Variants in ANAPC11 observed in about 807,000 individuals in gnomAD.
The protein encoded by ANAPC11 is anaphase-promoting complex subunit 11.
Under a neutral mutation model 11.8 loss-of-function variants are expected in ANAPC11, and 5 were observed. That is an observed-to-expected ratio of 0.42 (90% CI 0.22 to 0.89). The LOEUF is 0.89. Among genes scored for constraint, ANAPC11 ranks in the 40% least tolerant of loss-of-function variants. ANAPC11 has a pLI of 0.28. For synonymous variants in ANAPC11, 45 were observed against 41.0 expected, an observed-to-expected ratio of 1.10 and a Z score of -0.38; for missense variants, 68 against 112.9, an observed-to-expected ratio of 0.60 and a Z score of 1.80.
At chr17:81,898,884 G>A (rs2039833422) in intron 3 of ANAPC11, 2 of 302,404 alleles carry the variant, frequency 6.6e-6, no homozygotes, top group Admixed American at 4.7e-5. Context: ...TTGACTAAAC[G>A]AGGCCTCCCC....
intron 3 of ANAPC11, chr17:81,899,382 T>G (rs763194577): frequency 6.2e-7 from 1 of 1,613,742 alleles, no homozygotes; most frequent in Non-Finnish European, 8.5e-7. Context: ...ATCCCTGATG[T>G]CTAGGGAAGA....
chr17:81,891,609 G>A (rs574468388), upstream of ANAPC11: 7 of 1,375,338 alleles, frequency 5.1e-6, no homozygotes, highest in East Asian at 3.7e-5. Flanking sequence ...CAGCACGCCG[G>A]CACGTCACTT....
chr17:81,892,279 C>T (rs1033276033), intron 1 of ANAPC11, among the ~76,000 whole-genome samples: 4 of 151,844 alleles, frequency 2.6e-5, no homozygotes, highest in African/African-American at 7.3e-5. Context: ...TTGAGACCAG[C>T]CGGGGCAACA....
At chr17:81,899,766 G>T in intron 3 of ANAPC11, 154 bp from the exon 4 acceptor site, 1 of 963,678 alleles carries the variant, frequency 1.0e-6, no homozygotes, top group Non-Finnish European at 1.5e-6. Flanking sequence ...GAGACCGATT[G>T]GGTAACACTC....
intron 3 of ANAPC11, 181 bp downstream of exon 3, chr17:81,894,767 G>A (rs1308020587): frequency 6.6e-6 from 3 of 455,052 alleles, no homozygotes; most frequent in African/African-American, 6.2e-5. Context: ...TCCCAGGCTG[G>A]AGTGCAATGG....
intron 2 of ANAPC11, among the ~76,000 whole-genome samples, chr17:81,893,936 C>T (rs976802541): frequency 2.6e-5 from 4 of 151,544 alleles, no homozygotes; most frequent in African/African-American, 7.3e-5. Context: ...CCCCTGCAGC[C>T]CTGACCCTCT....
chr17:81,900,067 G>T lies in ANAPC11; in HGVS notation c.*2G>T. On this transcript the variant is annotated 3_prime_UTR_variant, in exon 4 of 4. Coordinates refer to ENST00000344877, the MANE Select transcript of ANAPC11 (RefSeq NM_001002248.3). ...CAGGAATGGAAGTTCAAGGAGTGAG[G>T]CCCGACCTGGCTCTCGCTGGAGGGG... 6.2e-7 allele frequency: 1 copy of T among 1,612,442 alleles called. No homozygotes were observed. Among genetic ancestry groups the T allele is most frequent in the Non-Finnish European group, 8.5e-7 (1 of 1,179,822 alleles).
chr17:81,892,853 A>G (rs1210857011), intron 1 of ANAPC11, among the ~76,000 whole-genome samples: 1 of 150,966 alleles, frequency 6.6e-6, no homozygotes, highest in Non-Finnish European at 1.5e-5. Context: ...GTTTTGAGAT[A>G]CTTGCTTTTG....
At chr17:81,892,139 C>G (rs974391056) in intron 1 of ANAPC11, 1 of 153,280 alleles carries the variant, frequency 6.5e-6, no homozygotes. Context: ...GCAGCCCCCC[C>G]AAGTCTGCAC....
At chr17:81,899,798 CAT>C (rs1192525089) in intron 3 of ANAPC11, 120 bp from the exon 4 acceptor site, 1 of 1,089,396 alleles carries the variant, frequency 9.2e-7, no homozygotes, top group Admixed American at 2.8e-5. Context: ...TTCTCTGAAA[CAT>C]GAGAGGCTGC....
At chr17:81,899,645 C>A in intron 3 of ANAPC11, 1 of 1,340,958 alleles carries the variant, frequency 7.5e-7, no homozygotes, top group Non-Finnish European at 1.0e-6. Flanking sequence ...CCCCACTGAG[C>A]ATGATGAGCC....
chr17:81,899,479 A>G, intron 3 of ANAPC11: 1 of 1,613,908 alleles, frequency 6.2e-7, no homozygotes, highest in Non-Finnish European at 8.5e-7. Context: ...TGGTGCCTTG[A>G]CCATTCATGT....
chr17:81,895,450 G>A (rs1215944105), intron 3 of ANAPC11, among the ~76,000 whole-genome samples: 1 of 152,232 alleles, frequency 6.6e-6, no homozygotes, highest in East Asian at 1.9e-4. Flanking sequence ...GACTCCATAG[G>A]ATGAAACTCA....
rs146948548 is a variant in ANAPC11, at chr17:81,898,797, C to T, written c.110-1123C>T. ...ACCAGCAGGTCCTGGAATGAGTCAC[C>T]CTCAGTGCATCTGCGGACTCATCAG... On this transcript the variant is annotated intron_variant, in intron 3 of 3. Transcript: ENST00000344877. 9 of 172,020 alleles carry T rather than the reference C, an allele frequency of 5.2e-5. No individual in the cohort carries two copies. In the East Asian group the frequency reaches 1.5e-3, roughly 29 times the overall value. The allele number at this position is 172,020 out of a possible 1,614,324, so 10.7% of individuals were successfully genotyped here. A position where few individuals can be genotyped will look rare whatever the true frequency, so the allele number is the denominator to read the frequency against.
chr17:81,891,101 A>C (rs1226513352), upstream of ANAPC11: 2 of 664,314 alleles, frequency 3.0e-6, no homozygotes, highest in African/African-American at 3.7e-5. Flanking sequence ...CGGAACAAAC[A>C]AAGAGCTGGG....
At chr17:81,891,318 C>T, upstream of ANAPC11, 20 of 1,157,850 alleles carry the variant, frequency 1.7e-5, no homozygotes, top group South Asian at 3.3e-5. Flanking sequence ...GGCCTCCGCA[C>T]TCACCCTGCT....
At chr17:81,891,385 G>A, upstream of ANAPC11, 2 of 1,122,584 alleles carry the variant, frequency 1.8e-6, no homozygotes, top group Non-Finnish European at 1.1e-6. Context: ...GCGATGGCCG[G>A]CCGGTTCCGG....
chr17:81,891,015 G>C, upstream of ANAPC11: 2 of 837,104 alleles, frequency 2.4e-6, no homozygotes. Context: ...CACAACTTCA[G>C]TTCCCTTAGA....
chr17:81,892,172 C>T (rs1483427967), intron 1 of ANAPC11: 1 of 152,626 alleles, frequency 6.6e-6, no homozygotes, highest in Non-Finnish European at 1.5e-5. Context: ...CCAGTCATAT[C>T]CTTTACAAGT....
Sources: gnomAD v4.1 joint callset for allele counts (sites outside exome capture counted in the v4.1 genomes callset) on GRCh38, gnomAD v4.1.1 for gene constraint, MANE v1.5 for transcripts, NCBI Gene and HGNC (gene_info 2026-07-23, HGNC 2026-07-21) for gene names.